TMEM266: variants seen among roughly 807,000 people sequenced by gnomAD.
The protein encoded by TMEM266 is Hv1 related protein 1.
Under a neutral mutation model 50.5 loss-of-function variants are expected in TMEM266, and 33 were observed. That is an observed-to-expected ratio of 0.65 (90% CI 0.50 to 0.87). The LOEUF (loss-of-function observed/expected upper bound fraction) is 0.87. TMEM266 is among the 40% of genes least tolerant of loss of function. The pLI is 0.00. For synonymous variants in TMEM266, 310 were observed against 292.3 expected (o/e 1.06, Z -0.62); for missense variants, 655 against 695.1 (o/e 0.94, Z 0.65).
At chr15:76,118,460 A>G (rs2935965) in intron 1 of TMEM266, among the ~76,000 whole-genome samples, 7,091 of 152,196 alleles carry the variant, frequency 0.047, 522 homozygotes, top group African/African-American at 0.16. Context: ...TCGGGAGGCT[A>G]AGGCAGAAGA....
At chr15:76,110,461 C>A (rs779226889) in intron 1 of TMEM266, among the ~76,000 whole-genome samples, 7 of 152,116 alleles carry the variant, frequency 4.6e-5, no homozygotes, top group Non-Finnish European at 8.8e-5. Flanking sequence ...CATCGGCTAC[C>A]TTTAACGTTA....
chr15:76,171,277 C>A, intron 7 of TMEM266, 146 bp downstream of exon 7: 1 of 1,175,300 alleles, frequency 8.5e-7, no homozygotes, highest in Non-Finnish European at 1.2e-6. Context: ...GGCCAGCTGT[C>A]CCTGCTCACT....
chr15:76,125,392 C>G (rs2935982), intron 1 of TMEM266, among the ~76,000 whole-genome samples: 7,360 of 151,848 alleles, frequency 0.048, 568 homozygotes, highest in African/African-American at 0.17. Context: ...ATCTGATAAG[C>G]AGTTATCAGA....
chr15:76,165,730 G>C (rs915565970), intron 5 of TMEM266, among the ~76,000 whole-genome samples: 2 of 152,234 alleles, frequency 1.3e-5, no homozygotes, highest in African/African-American at 4.8e-5. Context: ...GGCCGCATGA[G>C]GGGCGTGGAT....
intron 1 of TMEM266, among the ~76,000 whole-genome samples, chr15:76,073,934 A>C (rs1383866647): frequency 1.3e-5 from 2 of 150,974 alleles, no homozygotes; most frequent in East Asian, 3.9e-4. Context: ...AATTGACCAC[A>C]CTCAATGGGA....
chr15:76,147,259 A>G (rs898352311), intron 3 of TMEM266, among the ~76,000 whole-genome samples: 4 of 152,198 alleles, frequency 2.6e-5, no homozygotes, highest in African/African-American at 9.6e-5. Flanking sequence ...GAAGAAGGAA[A>G]TCAGATTTGC....
At chr15:76,079,723 G>A (rs920705864) in intron 1 of TMEM266, among the ~76,000 whole-genome samples, 13 of 145,496 alleles carry the variant, frequency 8.9e-5, no homozygotes, top group African/African-American at 2.8e-4. Context: ...GCCGTGAGCC[G>A]AGATCGTGCC....
chr15:76,079,669 T>C (rs1374941042), intron 1 of TMEM266, among the ~76,000 whole-genome samples: 1 of 147,098 alleles, frequency 6.8e-6, no homozygotes, highest in Non-Finnish European at 1.5e-5. Flanking sequence ...GTGCCTGTAA[T>C]CCCAGCTACT....
intron 6 of TMEM266, among the ~76,000 whole-genome samples, chr15:76,170,731 G>C (rs1212721460): frequency 6.6e-6 from 1 of 152,188 alleles, no homozygotes; most frequent in African/African-American, 2.4e-5. Context: ...GAAGGGGCAA[G>C]ACAGCCCAAG....
intron 1 of TMEM266, among the ~76,000 whole-genome samples, chr15:76,080,059 A>G (rs866753724): frequency 4.0e-5 from 6 of 151,678 alleles, no homozygotes; most frequent in Middle Eastern, 3.4e-3. Context: ...ATGACTTAAC[A>G]GTGATGTTTC....
intron 1 of TMEM266, among the ~76,000 whole-genome samples, chr15:76,111,654 C>T (rs1399733859): frequency 6.6e-6 from 1 of 151,820 alleles, no homozygotes; most frequent in Non-Finnish European, 1.5e-5. Flanking sequence ...GTGATCCACC[C>T]GCCTCAGCCT....
chr15:76,189,851 A>G (rs2038541459), intron 8 of TMEM266, among the ~76,000 whole-genome samples: 1 of 152,126 alleles, frequency 6.6e-6, no homozygotes, highest in South Asian at 2.1e-4. Flanking sequence ...TCCCCCTAAA[A>G]GTGGGACCCT....
At chr15:76,086,094 A>G (rs537206194) in intron 1 of TMEM266, among the ~76,000 whole-genome samples, 2 of 151,978 alleles carry the variant, frequency 1.3e-5, no homozygotes, top group Non-Finnish European at 2.9e-5. Flanking sequence ...CAACTTTTTT[A>G]TAAGAGCCAA....
At chr15:76,085,960 A>C (rs1342311740) in intron 1 of TMEM266, among the ~76,000 whole-genome samples, 1 of 151,814 alleles carries the variant, frequency 6.6e-6, no homozygotes, top group Admixed American at 6.6e-5. Flanking sequence ...AGGCAGGATA[A>C]TTGATTGAAC....
intron 1 of TMEM266, among the ~76,000 whole-genome samples, chr15:76,110,258 C>A (rs2037150067): frequency 6.6e-6 from 1 of 152,130 alleles, no homozygotes; most frequent in South Asian, 2.1e-4. Context: ...CTGCCTCAGC[C>A]TCCCAAAGTG....
chr15:76,153,710 G>A lies in TMEM266; in HGVS notation c.228-2894G>A, dbSNP rs138112835. ...TGAGAGGTGTGAAGGATGAAAATGG[G>A]GCTGGCAAAAGGGGAGGCAGGAATG... On this transcript the variant is annotated intron_variant, in intron 3 of 10. Coordinates refer to ENST00000388942, the MANE Select transcript of TMEM266 (RefSeq NM_152335.3). The surrounding 1 kb of genome is among the most constrained non-coding windows in gnomAD (Gnocchi z 4.2). Among the ~76,000 whole-genome samples, 2 of 152,218 alleles carry A rather than the reference G, an allele frequency of 1.3e-5. No homozygotes were observed. Among genetic ancestry groups the A allele is most frequent in the East Asian group, 3.9e-4 (2 of 5,176 alleles).
At chr15:76,084,369 A>G (rs533194327) in intron 1 of TMEM266, among the ~76,000 whole-genome samples, 8 of 152,304 alleles carry the variant, frequency 5.3e-5, no homozygotes, top group African/African-American at 1.4e-4. Context: ...TAGCTCTGCA[A>G]ATAAGGAAGA....
intron 5 of TMEM266, among the ~76,000 whole-genome samples, chr15:76,169,008 C>T (rs1256238853): frequency 6.6e-6 from 1 of 152,228 alleles, no homozygotes; most frequent in Non-Finnish European, 1.5e-5. Flanking sequence ...CACGGAAAAA[C>T]ACATTAAGTG....
intron 1 of TMEM266, among the ~76,000 whole-genome samples, chr15:76,130,701 G>A (rs1249702894): frequency 6.6e-6 from 1 of 152,194 alleles, no homozygotes; most frequent in East Asian, 1.9e-4. Context: ...AGACAGGCAG[G>A]GATACAGAGA....
Sources: gnomAD v4.1 joint callset for allele counts (sites outside exome capture counted in the v4.1 genomes callset) on GRCh38, gnomAD v4.1.1 for gene constraint, Gnocchi (gnomAD v3.1) non-coding constraint, MANE v1.5 for transcripts, NCBI Gene and HGNC (gene_info 2026-07-23, HGNC 2026-07-21) for gene names.